Variants in UHRF1 observed in about 807,000 individuals in gnomAD.
UHRF1 encodes ubiquitin like with PHD and ring finger domains 1.
UHRF1 carries 9 observed loss-of-function variants against 96.5 expected under a neutral mutation model. The ratio of observed to expected loss-of-function variants is 0.09; its 90% confidence interval spans 0.06 to 0.16. The LOEUF is 0.16. Among genes scored for constraint, UHRF1 ranks in the 10% least tolerant of loss-of-function variants. The pLI is 1.00. For missense variants in UHRF1, 626 were observed against 1,131.1 expected (o/e 0.55, Z 6.40); for synonymous variants, 455 against 469.9 (o/e 0.97, Z 0.41).
chr19:4,905,086 T>C (rs2032037370), upstream of UHRF1, among the ~76,000 whole-genome samples: 1 of 149,494 alleles, frequency 6.7e-6, no homozygotes. Flanking sequence ...GGAATATGGC[T>C]CAACACAAAT....
chr19:4,941,384 C>T (rs1599280716), intron 5 of UHRF1, 144 bp from the exon 6 acceptor site: 2 of 640,800 alleles, frequency 3.1e-6, no homozygotes, highest in East Asian at 2.8e-5. Context: ...TTTCATGTTG[C>T]TTCTGTGAGT....
At chr19:4,939,754 G>C (rs1203050540) in intron 5 of UHRF1, among the ~76,000 whole-genome samples, 1 of 152,212 alleles carries the variant, frequency 6.6e-6, no homozygotes, top group African/African-American at 2.4e-5. Flanking sequence ...GCCAGGCGCA[G>C]TGGCTCATGC....
chr19:4,944,064 C>G, intron 7 of UHRF1, 68 bp from the exon 8 acceptor site: 1 of 1,592,996 alleles, frequency 6.3e-7, no homozygotes, highest in Non-Finnish European at 8.5e-7. Flanking sequence ...GGTGTGTGGG[C>G]AGAGGGCACA....
chr19:4,928,761 C>A (rs1301442019), intron 2 of UHRF1, among the ~76,000 whole-genome samples: 1 of 152,216 alleles, frequency 6.6e-6, no homozygotes, highest in East Asian at 1.9e-4. Flanking sequence ...CCACCCACTC[C>A]ATGCTAGGAG....
intron 2 of UHRF1, among the ~76,000 whole-genome samples, chr19:4,929,006 C>A (rs1001398937): frequency 6.6e-6 from 1 of 152,190 alleles, no homozygotes; most frequent in Non-Finnish European, 1.5e-5. Context: ...AAAGCCCTCG[C>A]TAGAGGGGCC....
intron 7 of UHRF1, among the ~76,000 whole-genome samples, chr19:4,942,597 T>C (rs541386737): frequency 6.6e-5 from 10 of 152,148 alleles, no homozygotes; most frequent in Admixed American, 4.6e-4. Context: ...TACAGGTGCC[T>C]GCCACCACAT....
chr19:4,947,488 A>ATTTT (rs1568427975), intron 11 of UHRF1, among the ~76,000 whole-genome samples: 7 of 70,426 alleles, frequency 9.9e-5, no homozygotes, highest in East Asian at 1.3e-3. Flanking sequence ...GATAATAGAT[A>ATTTT]TCTTTTTTTT....
chr19:4,909,448 G>A, upstream of UHRF1: 2 of 653,680 alleles, frequency 3.1e-6, no homozygotes, highest in Non-Finnish European at 2.8e-6. Context: ...CCCCGGCACG[G>A]CCTCCTGCGG....
At chr19:4,910,702 A>C (rs955675207) in intron 1 of UHRF1, 174 bp from the exon 2 acceptor site, 1 of 579,816 alleles carries the variant, frequency 1.7e-6, no homozygotes, top group Admixed American at 3.7e-5. Flanking sequence ...TAAGTGCTTA[A>C]TTTGTTGTGT....
At chr19:4,919,527 C>T (rs1284241543) in intron 2 of UHRF1, among the ~76,000 whole-genome samples, 1 of 152,086 alleles carries the variant, frequency 6.6e-6, no homozygotes, top group Non-Finnish European at 1.5e-5. Flanking sequence ...TGGTTTCGAT[C>T]TCCTGACCTC....
chr19:4,920,044 T>TG (rs1453444039), intron 2 of UHRF1, among the ~76,000 whole-genome samples: 6 of 152,240 alleles, frequency 3.9e-5, no homozygotes, highest in African/African-American at 1.4e-4. Flanking sequence ...CTCGAACTCC[T>TG]GACCTCAGCT....
At chr19:4,925,468 A>G (rs1372972191) in intron 2 of UHRF1, among the ~76,000 whole-genome samples, 1 of 152,176 alleles carries the variant, frequency 6.6e-6, no homozygotes, top group Non-Finnish European at 1.5e-5. Flanking sequence ...GGCCTGGGTC[A>G]CAGCCTTGCT....
rs571352852 is a variant in UHRF1 at position 4,916,480 on chromosome 19, G to T, written c.153+5442G>T. ...AGGGAAAGTGGCAGCGACAGTGATC[G>T]TGGTGTCTTTGTGGCGGTTGTGTTG... On this transcript the variant is annotated intron_variant, in intron 2 of 16. Transcript: ENST00000650932. Among the ~76,000 whole-genome samples the T allele has an allele frequency of 1.5e-4, 23 of 152,300 alleles. 1 individual carries two copies. Among genetic ancestry groups the T allele is most frequent in the African/African-American group, 5.1e-4 (21 of 41,574 alleles).
At position 4,954,745 on chromosome 19, in the gene UHRF1, A is replaced by G. The variant is rs374485600; in HGVS notation, c.2053A>G (p.Arg685Gly). 6.2e-6 allele frequency: 10 copies of G among 1,613,844 alleles called. No individual in the cohort carries two copies. The highest frequency in any genetic ancestry group is 7.6e-6 in the Non-Finnish European group (9 of 1,179,818). Reference protein sequence around the residue: ...SLTAQQSSLIREDKSNAKLWN... With the variant: ...SLTAQQSSLIGEDKSNAKLWN... Reference sequence around the variant, plus strand: ...CACGGCCCAGCAGAGCAGCCTCATCAGAGAGGACAAGAGCAACGCCAAGCT... The same window carrying G: ...CACGGCCCAGCAGAGCAGCCTCATCGGAGAGGACAAGAGCAACGCCAAGCT... The change falls in exon 15 of 17, where the codon AGA becomes GGA. Residue 685 changes from arginine to glycine, a missense_variant. Coordinates refer to ENST00000650932, the MANE Select transcript of UHRF1 (RefSeq NM_001048201.3). This position sits in a 1 kb window ranked among gnomAD's most constrained non-coding sequence, Gnocchi z 5.9.
intron 13 of UHRF1, among the ~76,000 whole-genome samples, chr19:4,953,089 C>T (rs1440386219): frequency 6.6e-6 from 1 of 152,146 alleles, no homozygotes; most frequent in Non-Finnish European, 1.5e-5. Flanking sequence ...CCCGCGTTCG[C>T]TCACATTAAA....
In UHRF1 at chr19:4,944,272, C is replaced by T. The variant is rs1336887819; in HGVS notation, c.1197+17C>T. The T allele has an allele frequency of 6.2e-7, 1 of 1,613,976 alleles. No homozygotes were observed. ...TGGGGCAAGGTGAGGCGGGTCCTTC[C>T]CACGTGCCCGTGGCCCCTCCCCGCC... is the stretch of plus-strand genomic sequence containing the variant. On this transcript the variant is annotated intron_variant, in intron 8 of 16. Coordinates refer to ENST00000650932, the MANE Select transcript of UHRF1 (RefSeq NM_001048201.3).
In UHRF1 at chr19:4,927,784, G is replaced by C. The variant is rs533914604; in HGVS notation, c.154-1438G>C. On this transcript the variant is annotated intron_variant, in intron 2 of 16. Coordinates refer to ENST00000650932, the MANE Select transcript of UHRF1 (RefSeq NM_001048201.3). ...CCCCACGGTCCAGTGCCCAGAGGGG[G>C]AGACCCAGCCCATCCCAGAGTGGTC... Among the ~76,000 whole-genome samples the C allele has an allele frequency of 3.0e-4, 45 of 152,202 alleles. No individual in the cohort carries two copies. The South Asian group carries it at 9.3e-3, about 32-fold the overall frequency.
intron 7 of UHRF1, among the ~76,000 whole-genome samples, chr19:4,943,917 C>A (rs890006411): frequency 6.6e-6 from 1 of 152,196 alleles, no homozygotes; most frequent in Admixed American, 6.5e-5. Context: ...TCCCAAAGTG[C>A]TGGGATTACA....
In UHRF1 at chr19:4,935,545, A is replaced by AT. The variant is rs374797867; in HGVS notation, c.785+2602dup. Among the ~76,000 whole-genome samples the AT allele has an allele frequency of 7.9e-3, 1,097 of 139,178 alleles. 16 individuals are homozygous for AT. The highest frequency in any genetic ancestry group is 0.036 in the Admixed American group (503 of 14,060). The allele number at this position is 139,178 out of a possible 152,430, so 91.3% of individuals were successfully genotyped here. ...TTTGCGGTTGAAGGATGGGGGCTTC[A>AT]TTTTTTTTTTTTTAACTTGGTTCTT... is the stretch of plus-strand genomic sequence containing the variant. On this transcript the variant is annotated intron_variant, in intron 5 of 16. Transcript: ENST00000650932.
Sources: allele counts gnomAD v4.1 joint callset (sites outside exome capture counted in the v4.1 genomes callset), GRCh38; gene constraint gnomAD v4.1.1; non-coding constraint Gnocchi (gnomAD v3.1); transcripts MANE v1.5; gene names NCBI Gene and HGNC (gene_info 2026-07-23, HGNC 2026-07-21).